Variants in SMAD6 observed in about 807,000 individuals in gnomAD.
The protein encoded by SMAD6 is SMAD family member 6, also known as MAD homolog 6.
In SMAD6, 103 loss-of-function variants were observed where a neutral mutation model predicts 39.4. The ratio of observed to expected loss-of-function variants is 2.62; its 90% CI spans 2.23 to 3.08. The LOEUF is 3.08. Ranked by LOEUF, SMAD6 falls within the 30% of genes most tolerant of loss-of-function variation. The pLI is 0.00. For synonymous variants in SMAD6, 445 were observed against 353.3 expected (o/e 1.26, Z -2.91); for missense variants, 1,104 against 742.9 (o/e 1.49, Z -5.65).
intron 2 of SMAD6, among the ~76,000 whole-genome samples, chr15:66,713,162 G>A (rs1345485199): frequency 1.3e-5 from 2 of 152,178 alleles, no homozygotes; most frequent in Non-Finnish European, 2.9e-5. Flanking sequence ...GCAACTTTGT[G>A]ACCCAAGCAG....
At chr15:66,757,641 ACT>A (rs752089940) in intron 3 of SMAD6, among the ~76,000 whole-genome samples, 1 of 151,770 alleles carries the variant, frequency 6.6e-6, no homozygotes, top group East Asian at 1.9e-4. Flanking sequence ...TAGCTCTGAC[ACT>A]CTGGGGAGGG....
At chr15:66,726,976 C>T (rs543987641) in intron 3 of SMAD6, among the ~76,000 whole-genome samples, 1 of 152,264 alleles carries the variant, frequency 6.6e-6, no homozygotes, top group African/African-American at 2.4e-5. Context: ...CTGTCTCCCA[C>T]TCAAGGCAGG....
chr15:66,755,394 G>A (rs554665143), intron 3 of SMAD6, among the ~76,000 whole-genome samples: 1 of 152,328 alleles, frequency 6.6e-6, no homozygotes, highest in East Asian at 1.9e-4. Context: ...GAAGAGAGAA[G>A]TGAGTGTGTG....
chr15:66,705,596 C>A (rs939256931), intron 1 of SMAD6: 2 of 151,970 alleles, frequency 1.3e-5, no homozygotes, highest in Non-Finnish European at 2.9e-5. Flanking sequence ...GTCCCTTCCA[C>A]TCTCGTAGAA....
At position 66,703,265 on chromosome 15, in the gene SMAD6, AG is replaced by A; in HGVS notation, c.9del (p.Arg3SerfsTer61). On this transcript the variant is annotated frameshift_variant, in exon 1 of 4. Coordinates refer to ENST00000288840, the MANE Select transcript of SMAD6 (RefSeq NM_005585.5). LOFTEE classifies it high-confidence loss of function. ...TGGCGCCAAAGGATATCGTATGTTC[AG>A]GTCCAAACGCTCGGGGCTGGTGCGG... The part of the protein sequence containing the change: MF[R>X]SKRSGLVRRL... 1.4e-6 allele frequency: 2 copies of A among 1,470,594 alleles called. No individual in the cohort carries two copies. Among genetic ancestry groups the A allele is most frequent in the Non-Finnish European group, 1.8e-6 (2 of 1,109,604 alleles). The allele number at this position is 1,470,594 out of a possible 1,614,324, so 91.1% of individuals were successfully genotyped here.
chr15:66,745,712 C>G (rs1020653494), intron 3 of SMAD6, among the ~76,000 whole-genome samples: 2 of 152,330 alleles, frequency 1.3e-5, no homozygotes, highest in Middle Eastern at 3.4e-3. Context: ...GGCTCCCCCC[C>G]AAGCTCTGCC....
chr15:66,772,153 G>A (rs1456267425), intron 3 of SMAD6, among the ~76,000 whole-genome samples: 1 of 152,164 alleles, frequency 6.6e-6, no homozygotes, highest in Non-Finnish European at 1.5e-5. Flanking sequence ...AGTCTTCTGG[G>A]ATTTTGCAGC....
intron 3 of SMAD6, among the ~76,000 whole-genome samples, chr15:66,741,802 G>A (rs531287574): frequency 8.1e-4 from 124 of 152,296 alleles, no homozygotes; most frequent in Non-Finnish European, 1.3e-3. Flanking sequence ...CAAATGCCCC[G>A]AGAGATTCCA....
rs781458675 is a variant in SMAD6, at chr15:66,704,072, C to T, written c.814C>T (p.Pro272Ser). 4 of 1,483,928 alleles carry T rather than the reference C, an allele frequency of 2.7e-6. No individual in the cohort carries two copies. In the Admixed American group the frequency reaches 9.1e-5, roughly 34 times the overall value. The allele number at this position is 1,483,928 out of a possible 1,614,324, so 91.9% of individuals were successfully genotyped here. ...NPYHFSRLCG[P>S]ESPPPPYSRL... Reference sequence around the variant, plus strand: ...CTACCACTTCAGCCGGCTCTGCGGGCCCGGTGAGCGCGCTGCGCCGGCCGG... The same window carrying T: ...CTACCACTTCAGCCGGCTCTGCGGGTCCGGTGAGCGCGCTGCGCCGGCCGG... The change falls in exon 1 of 4, where the codon CCC becomes TCC. Residue 272 changes from proline (P) to serine (S), a missense_variant. Physicochemically the swap from Pro to Ser is moderately conservative, Grantham distance 74. Transcript: ENST00000288840.
intron 3 of SMAD6, among the ~76,000 whole-genome samples, chr15:66,768,567 G>A (rs774996237): frequency 6.6e-6 from 1 of 152,094 alleles, no homozygotes; most frequent in African/African-American, 2.4e-5. Flanking sequence ...TTTATTTCGA[G>A]CCACTGAAAC....
At chr15:66,742,573 C>T (rs996789141) in intron 3 of SMAD6, among the ~76,000 whole-genome samples, 1 of 152,076 alleles carries the variant, frequency 6.6e-6, no homozygotes, top group Non-Finnish European at 1.5e-5. Context: ...GGTCTTGAGG[C>T]CCCATGAGGT....
chr15:66,724,804 T>C (rs1318186013), intron 3 of SMAD6, among the ~76,000 whole-genome samples: 1 of 151,876 alleles, frequency 6.6e-6, no homozygotes, highest in African/African-American at 2.4e-5. Context: ...AGATGGCAGG[T>C]GGGTGGGTTT....
At chr15:66,727,923 G>A (rs1376958076) in intron 3 of SMAD6, among the ~76,000 whole-genome samples, 2 of 151,816 alleles carry the variant, frequency 1.3e-5, no homozygotes, top group African/African-American at 4.8e-5. Context: ...CGCGATCTCC[G>A]CTCGCGGTAA....
intron 1 of SMAD6, chr15:66,706,394 G>T: frequency 6.6e-6 from 1 of 152,392 alleles, no homozygotes. Flanking sequence ...TAGCCTGTGG[G>T]GCCCCCATTC....
chr15:66,767,784 A>G (rs1285537726), intron 3 of SMAD6, among the ~76,000 whole-genome samples: 2 of 152,160 alleles, frequency 1.3e-5, no homozygotes, highest in African/African-American at 2.4e-5. Context: ...TGATCGAGGC[A>G]ATCCTCACTT....
Position 66,708,831 on chromosome 15 carries a change from T to G in SMAD6, c.818-2837T>G, listed in dbSNP as rs1893172796. 17 of 451,384 alleles carry G rather than the reference T, an allele frequency of 3.8e-5. 1 individual carries two copies. The highest frequency in any genetic ancestry group is 2.7e-4 in the South Asian group (17 of 63,396). 28.0% of individuals were successfully genotyped at this position (451,384 alleles called of 1,614,324 possible). ...TTCTTTTTGCGATAAAAAAAATGTC[T>G]TGTGTTTAGATGGTGGTTGATGGTT... On this transcript the variant is annotated intron_variant, in intron 1 of 3. Transcript: ENST00000288840.
intron 3 of SMAD6, among the ~76,000 whole-genome samples, chr15:66,758,156 C>T (rs1211623488): frequency 6.6e-6 from 1 of 152,222 alleles, no homozygotes; most frequent in East Asian, 1.9e-4. Flanking sequence ...ATATTCACAA[C>T]TCTTGGTTCT....
At chr15:66,717,401 A>G (rs749540410) in intron 3 of SMAD6, 22 of 455,988 alleles carry the variant, frequency 4.8e-5, no homozygotes, top group South Asian at 3.4e-4. Flanking sequence ...CCGGCACTCC[A>G]CTTGGCCGCT....
intron 2 of SMAD6, among the ~76,000 whole-genome samples, chr15:66,715,289 GAA>G (rs199551873): frequency 1.2e-4 from 16 of 135,210 alleles, no homozygotes; most frequent in Admixed American, 3.6e-4. Context: ...AACGAGAGAG[GAA>G]AAAAAAAAAA....
Sources: allele counts gnomAD v4.1 joint callset (sites outside exome capture counted in the v4.1 genomes callset), GRCh38; gene constraint gnomAD v4.1.1; transcripts MANE v1.5; gene names NCBI Gene and HGNC (gene_info 2026-07-23, HGNC 2026-07-21).